Variants in ACACB observed in about 807,000 individuals in gnomAD.
ACACB encodes acetyl-CoA carboxylase 2.
ACACB carries 209 observed loss-of-function variants against 278.8 expected under a neutral mutation model. The ratio of observed to expected loss-of-function variants is 0.75; its 90% CI spans 0.67 to 0.84. The LOEUF is 0.84. Among genes scored for constraint, ACACB ranks in the 40% least tolerant of loss-of-function variants. The pLI, the probability that ACACB is intolerant of heterozygous loss-of-function variation, is 0.00. For missense variants in ACACB, 2,850 were observed against 3,269.0 expected (o/e 0.87, Z 3.13); for synonymous variants, 1,174 against 1,285.6 (o/e 0.91, Z 1.86).
rs544230150 is a variant in ACACB at position 109,217,046 on chromosome 12, C to T, written c.3564+126C>T. 8.0e-6 allele frequency: 10 copies of T among 1,249,172 alleles called. No individual in the cohort carries two copies. In the African/African-American group the frequency reaches 1.1e-4, roughly 13 times the overall value. 77.4% of individuals were successfully genotyped at this position (1,249,172 alleles called of 1,614,324 possible). Reference sequence around the variant, plus strand: ...CCTGTAATCCCATCACTTTGGGAGGCTGAGGCGGGCAGATCACTTGAGGTT... The same window carrying T: ...CCTGTAATCCCATCACTTTGGGAGGTTGAGGCGGGCAGATCACTTGAGGTT... On this transcript the variant is annotated intron_variant, in intron 24 of 52. Coordinates refer to ENST00000338432, the MANE Select transcript of ACACB (RefSeq NM_001093.4).
intron 19 of ACACB, 36 bp from the exon 20 acceptor site, chr12:109,206,674 T>C (rs1311638385): frequency 4.3e-6 from 7 of 1,609,854 alleles, no homozygotes; most frequent in Non-Finnish European, 5.9e-6. Context: ...ATTCCCAGAG[T>C]TTTCCTGACC....
At chr12:109,199,579 T>C in intron 18 of ACACB, 27 bp downstream of exon 18, 1 of 1,401,410 alleles carries the variant, frequency 7.1e-7, no homozygotes, top group Non-Finnish European at 9.4e-7. Context: ...CCGTGGGGAA[T>C]CCTGAACCCT....
chr12:109,264,491 G>A, intron 50 of ACACB, 105 bp downstream of exon 50: 1 of 1,443,684 alleles, frequency 6.9e-7, no homozygotes, highest in African/African-American at 1.4e-5. Context: ...TGGTTGGGAT[G>A]GGTCAAATGC....
chr12:109,147,742 G>A (rs1357607716), intron 2 of ACACB, among the ~76,000 whole-genome samples: 1 of 152,086 alleles, frequency 6.6e-6, no homozygotes, highest in Non-Finnish European at 1.5e-5. Flanking sequence ...CAACAAGCTT[G>A]CCAAAGACAG....
At chr12:109,176,326 T>A in intron 9 of ACACB, 63 bp downstream of exon 9, 1 of 1,364,350 alleles carries the variant, frequency 7.3e-7, no homozygotes, top group Non-Finnish European at 1.0e-6. Context: ...GGCTGCCAGA[T>A]TATTTCTCTT....
intron 22 of ACACB, among the ~76,000 whole-genome samples, chr12:109,215,271 C>G (rs891178939): frequency 3.3e-5 from 5 of 151,912 alleles, no homozygotes; most frequent in African/African-American, 1.2e-4. Flanking sequence ...TATCCGAAAT[C>G]TATGAAGTTT....
chr12:109,225,593 A>G (rs1321430755), intron 27 of ACACB, among the ~76,000 whole-genome samples: 2 of 152,246 alleles, frequency 1.3e-5, no homozygotes, highest in Non-Finnish European at 2.9e-5. Context: ...GTGCTGGCCA[A>G]GGGCAAGTCT....
chr12:109,121,615 G>C (rs954493326), intron 1 of ACACB, among the ~76,000 whole-genome samples: 1 of 152,192 alleles, frequency 6.6e-6, no homozygotes, highest in Non-Finnish European at 1.5e-5. Flanking sequence ...CAGCCAGCAG[G>C]GGTTCAACAG....
intron 48 of ACACB, 73 bp downstream of exon 48, chr12:109,260,730 G>T: frequency 7.2e-7 from 1 of 1,389,854 alleles, no homozygotes. Flanking sequence ...GACCTTGGGA[G>T]ATCATGGAGG....
intron 42 of ACACB, 82 bp downstream of exon 42, chr12:109,252,238 A>G: frequency 2.1e-6 from 2 of 937,080 alleles, no homozygotes; most frequent in Non-Finnish European, 1.5e-6. Flanking sequence ...CTGGTGGGGG[A>G]TTTTTCTCAA....
At chr12:109,223,684 C>A in intron 26 of ACACB, 131 bp from the exon 27 acceptor site, 1 of 815,434 alleles carries the variant, frequency 1.2e-6, no homozygotes, top group South Asian at 1.5e-5. Context: ...ATCGCTTCAG[C>A]CTGGGAGTTT....
intron 16 of ACACB, 91 bp from the exon 17 acceptor site, chr12:109,196,917 C>A (rs1453381001): frequency 3.6e-6 from 5 of 1,386,774 alleles, no homozygotes; most frequent in East Asian, 5.8e-5. Context: ...CTGTGGTGGA[C>A]AACCAGCTCT....
Position 109,199,428 on chromosome 12 carries a change from CG to C in ACACB, c.2655del (p.Cys886ValfsTer12), listed in dbSNP as rs2045256639. Reference sequence around the variant, plus strand: ...TACCGAATTACCATCGGCAATAAGACGTGTGTGTTTGAGAAGGAGAACGATC... The same window carrying C: ...TACCGAATTACCATCGGCAATAAGACTGTGTGTTTGAGAAGGAGAACGATC... ...DSYRITIGNKTCVFEKENDPT... is the reference protein window; with the variant it reads ...DSYRITIGNKXCVFEKENDPT... On this transcript the variant is annotated frameshift_variant, in exon 18 of 53. Coordinates refer to ENST00000338432, the MANE Select transcript of ACACB (RefSeq NM_001093.4). LOFTEE classifies it high-confidence loss of function. The C allele has an allele frequency of 5.2e-6, 8 of 1,537,580 alleles. No individual in the cohort carries two copies. The highest frequency in any genetic ancestry group is 1.4e-5 in the African/African-American group (1 of 71,470).
At position 109,266,205 on chromosome 12, in the gene ACACB, G is replaced by A. The variant is rs757758686; in HGVS notation, c.7251-31G>A. On this transcript the variant is annotated intron_variant, in intron 52 of 52. Coordinates refer to ENST00000338432, the MANE Select transcript of ACACB (RefSeq NM_001093.4). Reference sequence around the variant, plus strand: ...GGGCCACTGAAAAAGTGGCTGGAGTGATCCCAGCCCTCCTCTCACCTCCCC... The same window carrying A: ...GGGCCACTGAAAAAGTGGCTGGAGTAATCCCAGCCCTCCTCTCACCTCCCC... 44 of 1,603,542 alleles carry A rather than the reference G, an allele frequency of 2.7e-5. No individual in the cohort carries two copies. In the South Asian group the frequency reaches 4.3e-4, roughly 16 times the overall value.
At chr12:109,241,307 T>C in intron 36 of ACACB, 26 bp downstream of exon 36, 2 of 1,606,658 alleles carry the variant, frequency 1.2e-6, no homozygotes, top group Non-Finnish European at 1.7e-6. Context: ...GCCGTGGGGG[T>C]CTAAGTCAAA....
intron 2 of ACACB, 108 bp from the exon 3 acceptor site, chr12:109,166,753 G>C: frequency 2.1e-6 from 3 of 1,413,002 alleles, no homozygotes; most frequent in East Asian, 4.9e-5. Flanking sequence ...AAAGCAGGGG[G>C]GCTCTGGTGC....
intron 33 of ACACB, 45 bp from the exon 34 acceptor site, chr12:109,237,120 G>C (rs375162690): frequency 3.7e-6 from 6 of 1,601,232 alleles, no homozygotes; most frequent in Admixed American, 1.7e-5. Flanking sequence ...CCAACGTCAC[G>C]CTGTGTGTGT....
At chr12:109,243,863 G>A (rs2046867369) in intron 37 of ACACB, among the ~76,000 whole-genome samples, 1 of 147,890 alleles carries the variant, frequency 6.8e-6, no homozygotes, top group Non-Finnish European at 1.5e-5. Context: ...TTCCAGGATT[G>A]CTTTGGAATG....
intron 52 of ACACB, 28 bp downstream of exon 52, chr12:109,265,553 G>T: frequency 6.2e-7 from 1 of 1,609,804 alleles, no homozygotes; most frequent in South Asian, 1.1e-5. Flanking sequence ...CTGCTTCCCA[G>T]CCTCCTGGCA....
Sources: allele counts gnomAD v4.1 joint callset (sites outside exome capture counted in the v4.1 genomes callset), GRCh38; gene constraint gnomAD v4.1.1; transcripts MANE v1.5; gene names NCBI Gene and HGNC (gene_info 2026-07-23, HGNC 2026-07-21).